The following SCHIP1 variants were observed in gnomAD, a reference collection of about 807,000 sequenced individuals.
SCHIP1 encodes schwannomin-interacting protein 1.
In SCHIP1, 8 loss-of-function variants were observed where a neutral mutation model predicts 29.7. The ratio of observed to expected loss-of-function variants is 0.27; its 90% CI spans 0.16 to 0.49. SCHIP1 has a LOEUF of 0.49. Ranked by LOEUF, SCHIP1 falls within the 20% of genes least tolerant of loss-of-function variation. SCHIP1 has a pLI of 0.99. For synonymous variants in SCHIP1, 76 were observed against 94.9 expected (o/e 0.80, Z 1.16); for missense variants, 193 against 294.6 (o/e 0.66, Z 2.52).
the SCHIP1 span, among the ~76,000 whole-genome samples, chr3:159,612,342 T>C: frequency 6.6e-6 from 1 of 152,182 alleles, no homozygotes; most frequent in Admixed American, 6.5e-5. Context: ...AAATGCACTC[T>C]ATAGAAAATT....
chr3:159,840,028 C>A, exon 1 of SCHIP1: 1 of 1,467,154 alleles, frequency 6.8e-7, no homozygotes, highest in East Asian at 2.5e-5. Context: ...AGTGCCACTG[C>A]GCAGGTTGAT....
At chr3:159,419,342 C>T in the SCHIP1 span, among the ~76,000 whole-genome samples, 1 of 152,078 alleles carries the variant, frequency 6.6e-6, no homozygotes, top group African/African-American at 2.4e-5. Flanking sequence ...AGAGGACTCC[C>T]AATAGTGGTA....
the SCHIP1 span, among the ~76,000 whole-genome samples, chr3:159,582,635 G>A: frequency 0.037 from 5,688 of 152,116 alleles, 258 homozygotes; most frequent in East Asian, 0.17. Context: ...ATAGACTGCA[G>A]TATAAACATA....
the SCHIP1 span, among the ~76,000 whole-genome samples, chr3:159,599,303 G>A: frequency 6.6e-6 from 1 of 152,212 alleles, no homozygotes; most frequent in Admixed American, 6.5e-5. Context: ...AAGTGGTTTG[G>A]TTACATGAAT....
At chr3:159,277,572 C>A in the SCHIP1 span, among the ~76,000 whole-genome samples, 1 of 147,256 alleles carries the variant, frequency 6.8e-6, no homozygotes, top group Non-Finnish European at 1.5e-5. Context: ...GAATATGTGA[C>A]TAGTAAGGGA....
the SCHIP1 span, among the ~76,000 whole-genome samples, chr3:159,480,129 T>C: frequency 6.6e-6 from 1 of 152,222 alleles, no homozygotes; most frequent in Non-Finnish European, 1.5e-5. Context: ...TCCTTGGATA[T>C]GGCACATTTG....
the SCHIP1 span, among the ~76,000 whole-genome samples, chr3:159,591,640 C>A: frequency 6.6e-6 from 1 of 151,970 alleles, no homozygotes; most frequent in Non-Finnish European, 1.5e-5. Flanking sequence ...AATCTGAAAG[C>A]CATCATTCTC....
the SCHIP1 span, among the ~76,000 whole-genome samples, chr3:159,707,159 T>A: frequency 6.6e-6 from 1 of 152,204 alleles, no homozygotes; most frequent in East Asian, 1.9e-4. Flanking sequence ...AATGTGAGGA[T>A]GGCTCTTTAA....
At chr3:159,694,237 C>CCTAACCCTAACA in the SCHIP1 span, among the ~76,000 whole-genome samples, 1 of 151,684 alleles carries the variant, frequency 6.6e-6, no homozygotes, top group African/African-American at 2.4e-5. Context: ...TAACACTAAC[C>CCTAACCCTAACA]CTAACCCTAA....
chr3:159,524,612 T>A, the SCHIP1 span, among the ~76,000 whole-genome samples: 1 of 152,152 alleles, frequency 6.6e-6, no homozygotes, highest in East Asian at 1.9e-4. Context: ...CCCATAGACA[T>A]ATAAGCCAGG....
chr3:159,700,629 G>C, the SCHIP1 span, among the ~76,000 whole-genome samples: 1 of 152,098 alleles, frequency 6.6e-6, no homozygotes, highest in African/African-American at 2.4e-5. Context: ...AGACCAGCCT[G>C]ACCAATATGG....
chr3:159,324,401 T>G, the SCHIP1 span, among the ~76,000 whole-genome samples: 4 of 152,174 alleles, frequency 2.6e-5, no homozygotes, highest in African/African-American at 9.6e-5. Flanking sequence ...TACCAAACTT[T>G]TTAAATCTTT....
the SCHIP1 span, among the ~76,000 whole-genome samples, chr3:159,457,323 T>G: frequency 6.6e-6 from 1 of 152,154 alleles, no homozygotes; most frequent in South Asian, 2.1e-4. Flanking sequence ...TATCCTGGTG[T>G]AGAATTATGG....
chr3:159,887,576 G>C, intron 3 of SCHIP1, 132 bp from the exon 5 acceptor site: 1 of 938,698 alleles, frequency 1.1e-6, no homozygotes, highest in South Asian at 1.6e-5. Context: ...ATCAACTCAA[G>C]TAGCAAGTCA....
the SCHIP1 span, among the ~76,000 whole-genome samples, chr3:159,384,061 C>T: frequency 2.0e-5 from 3 of 151,674 alleles, no homozygotes; most frequent in African/African-American, 4.9e-5. Context: ...CAAAGAGGGA[C>T]AATTTGACTT....
the SCHIP1 span, among the ~76,000 whole-genome samples, chr3:159,572,888 G>C: frequency 6.7e-6 from 1 of 149,252 alleles, no homozygotes; most frequent in African/African-American, 2.5e-5. Context: ...TTTGATCTTT[G>C]TTGGTTTAAA....
chr3:159,786,691 G>GTC, the SCHIP1 span, among the ~76,000 whole-genome samples: 1 of 138,828 alleles, frequency 7.2e-6, no homozygotes, highest in African/African-American at 2.7e-5. Flanking sequence ...GTGTGTGTGT[G>GTC]TGTGTCTGCG....
the SCHIP1 span, among the ~76,000 whole-genome samples, chr3:159,657,294 G>A: frequency 3.9e-5 from 6 of 152,314 alleles, no homozygotes; most frequent in Admixed American, 3.9e-4. Context: ...AAAAGTCCAA[G>A]TCAGCTGCCA....
At chr3:159,414,099 A>G in the SCHIP1 span, among the ~76,000 whole-genome samples, 1 of 152,252 alleles carries the variant, frequency 6.6e-6, no homozygotes, top group East Asian at 1.9e-4. Flanking sequence ...AGGGCACTAT[A>G]GTTGAAAGTG....
Sources: gnomAD v4.1 joint callset for allele counts (sites outside exome capture counted in the v4.1 genomes callset) on GRCh38, gnomAD v4.1.1 for gene constraint, MANE v1.5 for transcripts, NCBI Gene and HGNC (gene_info 2026-07-23, HGNC 2026-07-21) for gene names.